DPYSL5: variants seen among roughly 807,000 people sequenced by gnomAD.
DPYSL5 encodes the protein dihydropyrimidinase-related protein 5.
In DPYSL5, 9 loss-of-function variants were observed where a neutral mutation model predicts 58.4. The ratio of observed to expected loss-of-function variants is 0.15; its 90% CI spans 0.09 to 0.27. DPYSL5 has a LOEUF of 0.27. Ranked by LOEUF, DPYSL5 falls within the 10% of genes least tolerant of loss-of-function variation. The pLI is 1.00. For synonymous variants in DPYSL5, 293 were observed against 301.9 expected, an observed-to-expected ratio of 0.97 and a Z score of 0.31; for missense variants, 499 against 770.6, an observed-to-expected ratio of 0.65 and a Z score of 4.17.
At chr2:26,914,235 A>T (rs1664509007) in intron 2 of DPYSL5, among the ~76,000 whole-genome samples, 1 of 152,226 alleles carries the variant, frequency 6.6e-6, no homozygotes, top group Non-Finnish European at 1.5e-5. Flanking sequence ...ATTAGATGGG[A>T]GAGTACCTCG....
At chr2:26,922,478 T>C (rs1246319716) in intron 2 of DPYSL5, among the ~76,000 whole-genome samples, 1 of 152,102 alleles carries the variant, frequency 6.6e-6, no homozygotes, top group African/African-American at 2.4e-5. Context: ...AACTTTTGAG[T>C]GTTTAGAGAA....
intron 1 of DPYSL5, among the ~76,000 whole-genome samples, chr2:26,865,777 A>G (rs886253784): frequency 3.3e-5 from 5 of 151,924 alleles, no homozygotes; most frequent in Non-Finnish European, 7.4e-5. Context: ...TGTGCTTTAA[A>G]CTCCTCAGTT....
intron 2 of DPYSL5, among the ~76,000 whole-genome samples, chr2:26,903,691 C>T (rs1664217599): frequency 1.7e-5 from 1 of 57,902 alleles, no homozygotes; most frequent in African/African-American, 6.2e-5. Flanking sequence ...CTTGTTTTGA[C>T]CTTGCTGGTC....
rs1408462206 is a variant in DPYSL5, at chr2:26,933,717, G to A, written c.790+384G>A. Among the ~76,000 whole-genome samples the A allele has an allele frequency of 2.0e-5, 3 of 152,154 alleles. No individual in the cohort carries two copies. The highest frequency in any genetic ancestry group is 1.9e-4 in the East Asian group (1 of 5,194). ...ACCAGTTTCAGTGGGCATTTCAGGGGCTGTTTGGGAAGTCCCTAAAGAAAG... is the reference window on the plus strand; with the variant it reads ...ACCAGTTTCAGTGGGCATTTCAGGGACTGTTTGGGAAGTCCCTAAAGAAAG... On this transcript the variant is annotated intron_variant, in intron 7 of 12. Coordinates refer to ENST00000288699, the MANE Select transcript of DPYSL5 (RefSeq NM_020134.4). The surrounding 1 kb of genome is among the most constrained non-coding windows in gnomAD (Gnocchi z 4.2).
At position 26,942,687 on chromosome 2, in the gene DPYSL5, C is replaced by A. The variant is rs1665355655; in HGVS notation, c.1377C>A (p.Gly459=). The part of the protein sequence containing the change: ...NGVFMCAEGT[G]KFCPLRSFPD... ...TCTTCATGTGCGCCGAGGGCACCGG[C>A]AAGTTCTGTCCCCTGAGGTCCTTCC... Residue 459 remains glycine (G), a synonymous_variant, in exon 11 of 13, where the codon GGC becomes GGA. Coordinates refer to ENST00000288699, the MANE Select transcript of DPYSL5 (RefSeq NM_020134.4). The surrounding 1 kb of genome is among the most constrained non-coding windows in gnomAD (Gnocchi z 5.9). 3.1e-6 allele frequency: 5 copies of A among 1,614,002 alleles called. No individual in the cohort carries two copies. Among genetic ancestry groups the A allele is most frequent in the Non-Finnish European group, 4.2e-6 (5 of 1,180,034 alleles).
Position 26,884,520 on chromosome 2 carries a change from T to TCACACACA in DPYSL5, c.-4-13948_-4-13941dup, listed in dbSNP as rs3070961. On this transcript the variant is annotated intron_variant, in intron 1 of 12. Coordinates refer to ENST00000288699, the MANE Select transcript of DPYSL5 (RefSeq NM_020134.4). ...AACGCACAGCTAAGCTTGTCCTATC[T>TCACACACA]CACACACACACACACACACACACAC... Among the ~76,000 whole-genome samples the TCACACACA allele has an allele frequency of 9.3e-4, 135 of 145,632 alleles. No individual in the cohort carries two copies. The Middle Eastern group carries it at 0.01, about 11-fold the overall frequency.
rs767123200 is a variant in DPYSL5 at position 26,944,753 on chromosome 2, A to G, written c.1538A>G (p.Asp513Gly). 5.6e-6 allele frequency: 9 copies of G among 1,613,968 alleles called. No individual in the cohort carries two copies. The highest frequency in any genetic ancestry group is 8.5e-7 in the Non-Finnish European group (1 of 1,180,010). Reference protein sequence around the residue: ...GKKEMGTPLADTPTRPVTRHG... With the variant: ...GKKEMGTPLAGTPTRPVTRHG... ...AAAGAGATGGGAACCCCACTCGCAG[A>G]CACTCCTACCCGGCCCGTCACCCGG... The change falls in exon 12 of 13, where the codon GAC becomes GGC. Residue 513 changes from aspartate to glycine, a missense_variant. By Grantham distance (94) the Asp-to-Gly change is moderately conservative (BLOSUM62 -1). Transcript: ENST00000288699. This position sits in a 1 kb window ranked among gnomAD's most constrained non-coding sequence, Gnocchi z 4.4.
At chr2:26,866,822 C>G (rs973709350) in intron 1 of DPYSL5, among the ~76,000 whole-genome samples, 1 of 150,804 alleles carries the variant, frequency 6.6e-6, no homozygotes, top group African/African-American at 2.5e-5. Flanking sequence ...ACCTCCGTCT[C>G]CCGGGTTCAA....
At chr2:26,928,704 T>TATATATACACACAC in intron 5 of DPYSL5, among the ~76,000 whole-genome samples, 3 of 62,962 alleles carry the variant, frequency 4.8e-5, no homozygotes, top group African/African-American at 1.3e-4. Flanking sequence ...TATATATATA[T>TATATATACACACAC]ACACACACAC....
At chr2:26,854,814 TCTTTTTCTTTTC>T (rs1173178212) in intron 1 of DPYSL5, among the ~76,000 whole-genome samples, 1 of 152,038 alleles carries the variant, frequency 6.6e-6, no homozygotes, top group African/African-American at 2.4e-5. Context: ...TTTTTCTTTT[TCTTTTTCTTTTC>T]CTTTCTTTTT....
chr2:26,908,939 T>C (rs1209489605), intron 2 of DPYSL5, among the ~76,000 whole-genome samples: 1 of 152,260 alleles, frequency 6.6e-6, no homozygotes, highest in Non-Finnish European at 1.5e-5. Flanking sequence ...TTTTTAATAT[T>C]TCAAGAAATA....
rs1052939110 is a variant in DPYSL5, at chr2:26,849,878, C to T, written c.-5+1624C>T. 6.6e-6 allele frequency among the ~76,000 whole-genome samples: 1 copy of T among 152,220 alleles called. No homozygotes were observed. Among genetic ancestry groups the T allele is most frequent in the Non-Finnish European group, 1.5e-5 (1 of 68,030 alleles). ...GCAGACAGCCACCCCCCCACTCCGG[C>T]TCGGGTGCCTTCTGGTGCAGCGCCG... On this transcript the variant is annotated intron_variant, in intron 1 of 12. Transcript: ENST00000288699. The surrounding 1 kb of genome is among the most constrained non-coding windows in gnomAD (Gnocchi z 6.2).
At chr2:26,932,177 AAG>A (rs1558351497) in intron 6 of DPYSL5, among the ~76,000 whole-genome samples, 1 of 78,598 alleles carries the variant, frequency 1.3e-5, no homozygotes, top group Non-Finnish European at 2.6e-5. Context: ...GAAAGAAAGA[AAG>A]AAAGAAAGAA....
intron 2 of DPYSL5, among the ~76,000 whole-genome samples, chr2:26,909,798 T>C (rs1443970871): frequency 6.6e-6 from 1 of 151,878 alleles, no homozygotes; most frequent in African/African-American, 2.4e-5. Context: ...TAAATGTTAG[T>C]GAACTCCACT....
chr2:26,931,802 G>GT (rs2148165059), intron 6 of DPYSL5, 118 bp downstream of exon 6: 1 of 1,066,766 alleles, frequency 9.4e-7, no homozygotes, highest in Non-Finnish European at 1.4e-6. Flanking sequence ...GAGGTTAAGA[G>GT]TTTGAGACCA....
intron 2 of DPYSL5, among the ~76,000 whole-genome samples, chr2:26,899,111 A>G (rs1195940990): frequency 1.3e-5 from 2 of 152,204 alleles, no homozygotes; most frequent in East Asian, 3.9e-4. Context: ...GGTTTGTCTG[A>G]TGGGCTTCTT....
intron 2 of DPYSL5, among the ~76,000 whole-genome samples, chr2:26,923,077 T>C (rs570079275): frequency 6.6e-6 from 1 of 152,336 alleles, no homozygotes; most frequent in South Asian, 2.1e-4. Flanking sequence ...GCAATATTTT[T>C]CATTTGTGAT....
chr2:26,941,916 C>G, intron 9 of DPYSL5, 34 bp from the exon 10 acceptor site: 1 of 1,613,486 alleles, frequency 6.2e-7, no homozygotes, highest in Non-Finnish European at 8.5e-7. Flanking sequence ...ACCCCCAGAG[C>G]CTGGTTGACT....
At chr2:26,937,486 A>G (rs188493653) in intron 8 of DPYSL5, among the ~76,000 whole-genome samples, 26 of 152,318 alleles carry the variant, frequency 1.7e-4, no homozygotes, top group Admixed American at 6.5e-4. Flanking sequence ...CTTGATAGAA[A>G]ATTCAGACAC....
Sources: allele counts gnomAD v4.1 joint callset (sites outside exome capture counted in the v4.1 genomes callset), GRCh38; gene constraint gnomAD v4.1.1; non-coding constraint Gnocchi (gnomAD v3.1); transcripts MANE v1.5; gene names NCBI Gene and HGNC (gene_info 2026-07-23, HGNC 2026-07-21).